TLN2: variants seen among roughly 807,000 people sequenced by gnomAD.
TLN2 encodes talin-2.
A neutral mutation model predicts 294.7 loss-of-function variants in TLN2; 118 were observed. That is an observed-to-expected ratio of 0.40 (90% CI 0.34 to 0.47). TLN2 has a LOEUF of 0.47. TLN2 is among the 20% of genes least tolerant of loss of function. TLN2 has a pLI of 0.84. For synonymous variants in TLN2, 1,431 were observed against 1,304.5 expected (o/e 1.10, Z -2.09); for missense variants, 3,083 against 3,282.2 (o/e 0.94, Z 1.48).
chr15:62,750,274 A>G (rs1595875685), intron 33 of TLN2, 128 bp from the exon 34 acceptor site: 14 of 744,058 alleles, frequency 1.9e-5, no homozygotes, highest in South Asian at 1.1e-4. Flanking sequence ...ATTCTCAAAC[A>G]TCTGAGTAAA....
At chr15:62,592,392 A>C (rs1307251691) in intron 2 of TLN2, among the ~76,000 whole-genome samples, 2 of 150,778 alleles carry the variant, frequency 1.3e-5, no homozygotes, top group Non-Finnish European at 3.0e-5. Context: ...TGTTGTGTCA[A>C]CTCTCGGTTT....
chr15:62,582,246 A>ACACACACCCACCCC (rs764248336), intron 1 of TLN2, among the ~76,000 whole-genome samples: 2 of 137,240 alleles, frequency 1.5e-5, no homozygotes, highest in Non-Finnish European at 3.2e-5. Context: ...ACACACACAC[A>ACACACACCCACCCC]CATTCATGCC....
At chr15:62,475,110 G>C (rs887975270) in intron 1 of TLN2, among the ~76,000 whole-genome samples, 1 of 152,126 alleles carries the variant, frequency 6.6e-6, no homozygotes, top group African/African-American at 2.4e-5. Flanking sequence ...ATCGTTTAAC[G>C]ATTTGTCATT....
intron 25 of TLN2, among the ~76,000 whole-genome samples, chr15:62,721,604 A>G (rs1373626643): frequency 2.6e-5 from 4 of 152,146 alleles, no homozygotes; most frequent in Admixed American, 2.0e-4. Context: ...TAACATATAT[A>G]TTAAAAGTCT....
At chr15:62,684,422 C>T (rs2057118924) in intron 11 of TLN2, among the ~76,000 whole-genome samples, 1 of 152,182 alleles carries the variant, frequency 6.6e-6, no homozygotes, top group African/African-American at 2.4e-5. Flanking sequence ...CATTGTCTGC[C>T]CTGCACTGAT....
At position 62,451,589 on chromosome 15, in the gene TLN2, G is replaced by C. The variant is rs1298624367; in HGVS notation, c.-238+60904G>C. Among the ~76,000 whole-genome samples the C allele has an allele frequency of 3.9e-5, 6 of 152,342 alleles. No homozygotes were observed. The East Asian group carries it at 1.2e-3, about 29-fold the overall frequency. On this transcript the variant is annotated intron_variant, in intron 1 of 58. Transcript: ENST00000636159. ...GGAGGAACGCTTAAACCCAGAGGCG[G>C]AGGTTGCAGTGAGCCGAGATTGTGC...
intron 1 of TLN2, among the ~76,000 whole-genome samples, chr15:62,542,380 C>T (rs1220635625): frequency 6.6e-6 from 1 of 151,976 alleles, no homozygotes; most frequent in Non-Finnish European, 1.5e-5. Flanking sequence ...TTAGTAGAGA[C>T]GGGGTTTCAC....
At chr15:62,822,707 A>G (rs930485750) in intron 54 of TLN2, among the ~76,000 whole-genome samples, 1 of 152,214 alleles carries the variant, frequency 6.6e-6, no homozygotes, top group Admixed American at 6.5e-5. Flanking sequence ...TCGAAGGAAT[A>G]TTATGCAGCT....
chr15:62,524,488 TG>T (rs1277005379), intron 1 of TLN2, among the ~76,000 whole-genome samples: 2 of 152,194 alleles, frequency 1.3e-5, no homozygotes, highest in East Asian at 3.9e-4. Flanking sequence ...CAAGCGAGAC[TG>T]TGTCCCCTGG....
In TLN2 at chr15:62,742,024, GGT is replaced by G. The variant is rs1169646907; in HGVS notation, c.4025+1305_4025+1306del. On this transcript the variant is annotated intron_variant, in intron 32 of 58. Coordinates refer to ENST00000636159, the MANE Select transcript of TLN2 (RefSeq NM_015059.3). ...CTTCCTCCCTCTTGGCTTGTAGTGG[GGT>G]GTGTGTGTGTGTGTGTGTGTGTGTG... 8.5e-3 allele frequency among the ~76,000 whole-genome samples: 702 copies of G among 82,188 alleles called. 5 individuals are homozygous for G. Among genetic ancestry groups the G allele is most frequent in the African/African-American group, 0.03 (674 of 22,562 alleles). The allele number at this position is 82,188 out of a possible 152,430, so 53.9% of individuals were successfully genotyped here. A position where few individuals can be genotyped will look rare whatever the true frequency, so the allele number is the denominator to read the frequency against.
At chr15:62,667,715 A>G (rs528391255) in intron 9 of TLN2, among the ~76,000 whole-genome samples, 1 of 152,336 alleles carries the variant, frequency 6.6e-6, no homozygotes, top group South Asian at 2.1e-4. Context: ...CATTTCTCCA[A>G]ATCATTGCTG....
rs2065469788 is a variant in TLN2 at position 62,796,271 on chromosome 15, A to G, written c.6028A>G (p.Ser2010Gly). Residue 2010 changes from serine (S) to glycine (G), a missense_variant, in exon 47 of 59, where the codon AGT (serine) becomes GGT (glycine). Transcript: ENST00000636159. The part of the protein sequence containing the change: ...ATAGTLNAEN[S>G]ETFADHRENI... ...AGCGGGGACGCTGAATGCAGAGAAC[A>G]GTGAGACCTTCGCAGACCACAGGTA... The G allele has an allele frequency of 6.2e-7, 1 of 1,614,160 alleles. No homozygotes were observed. Among genetic ancestry groups the G allele is most frequent in the Non-Finnish European group, 8.5e-7 (1 of 1,179,992 alleles).
intron 50 of TLN2, among the ~76,000 whole-genome samples, chr15:62,802,941 T>C (rs1596052266): frequency 6.6e-6 from 1 of 152,208 alleles, no homozygotes; most frequent in African/African-American, 2.4e-5. Flanking sequence ...CCTATAGAAT[T>C]GTTTGAGCTC....
rs1167668503 is a variant in TLN2 at position 62,755,573 on chromosome 15, C to T, written c.4518C>T (p.Ala1506=). ...AATIVAKHTS[A]LCNACRIASS... is the part of the protein sequence containing the mutation. ...CAATTGTTGCCAAGCACACGTCAGC[C>T]TTGTGCAATGCCTGCCGCATCGCCT... Residue 1506 remains alanine (A), a synonymous_variant, in exon 37 of 59, where the codon GCC becomes GCT. Transcript: ENST00000636159. 6.2e-7 allele frequency: 1 copy of T among 1,614,212 alleles called. No homozygotes were observed. The highest frequency in any genetic ancestry group is 8.5e-7 in the Non-Finnish European group (1 of 1,180,016).
intron 2 of TLN2, among the ~76,000 whole-genome samples, chr15:62,617,131 C>T (rs1268488324): frequency 1.3e-5 from 2 of 152,132 alleles, no homozygotes; most frequent in Non-Finnish European, 2.9e-5. Context: ...CGTTAAAAAT[C>T]ACAGTGCTAG....
chr15:62,652,842 C>G (rs866187541), intron 6 of TLN2, among the ~76,000 whole-genome samples: 1 of 152,008 alleles, frequency 6.6e-6, no homozygotes, highest in Non-Finnish European at 1.5e-5. Flanking sequence ...ATTGTAGTGA[C>G]AATAACCCTG....
At chr15:62,660,423 G>A (rs767387120) in intron 9 of TLN2, among the ~76,000 whole-genome samples, 2 of 152,174 alleles carry the variant, frequency 1.3e-5, no homozygotes, top group African/African-American at 4.8e-5. Flanking sequence ...GCTAGAGAGA[G>A]ACAGAGACAA....
chr15:62,699,826 G>A (rs1189400778), intron 16 of TLN2, among the ~76,000 whole-genome samples: 1 of 152,198 alleles, frequency 6.6e-6, no homozygotes, highest in Non-Finnish European at 1.5e-5. Flanking sequence ...CACCAGTTCT[G>A]ACCAAATAAA....
chr15:62,489,308 C>A (rs1237793945), intron 1 of TLN2, among the ~76,000 whole-genome samples: 1 of 152,138 alleles, frequency 6.6e-6, no homozygotes, highest in Non-Finnish European at 1.5e-5. Context: ...TGTGAAAAAC[C>A]AAACAGGTTA....
Sources: allele counts gnomAD v4.1 joint callset (sites outside exome capture counted in the v4.1 genomes callset), GRCh38; gene constraint gnomAD v4.1.1; transcripts MANE v1.5; gene names NCBI Gene and HGNC (gene_info 2026-07-23, HGNC 2026-07-21).